The following GK variants were observed in gnomAD, a reference collection of about 807,000 sequenced individuals.
GK encodes ATP:glycerol 3-phosphotransferase.
A neutral mutation model predicts 56.4 loss-of-function variants in GK; 9 were observed. The observed-to-expected ratio is 0.16, with a 90% CI of 0.10 to 0.28. The LOEUF (loss-of-function observed/expected upper bound fraction) is 0.28. Among genes scored for constraint, GK ranks in the 10% least tolerant of loss-of-function variants. GK has a pLI of 1.00. For synonymous variants in GK, 104 were observed against 144.1 expected (o/e 0.72, Z 1.99); for missense variants, 161 against 431.4 (o/e 0.37, Z 5.55).
rs1937305880 is a variant in GK at position 30,730,468 on chromosome X, A to G, written c.*1726A>G. ...CAAAAGTAGGTTGAGTTCATTGTAA[A>G]TAATTGTGAAAGCCACTGTTCAAAT... On this transcript the variant is annotated 3_prime_UTR_variant, in exon 21 of 21. Coordinates refer to ENST00000427190, the MANE Select transcript of GK (RefSeq NM_001205019.2). 1 of 112,261 alleles carries G rather than the reference A, an allele frequency of 8.9e-6. No homozygotes were observed. The highest frequency in any genetic ancestry group is 3.2e-5 in the African/African-American group (1 of 30,953). 9.3% of individuals were successfully genotyped at this position (112,261 alleles called of 1,213,427 possible). A position where few individuals can be genotyped will look rare whatever the true frequency, so the allele number is the denominator to read the frequency against.
chrX:30,664,154 TTA>T (rs1932912120), intron 1 of GK, among the ~76,000 whole-genome samples: 1 of 91,534 alleles, frequency 1.1e-5, no homozygotes, highest in Non-Finnish European at 2.1e-5. Context: ...GATATATATT[TTA>T]TATAGATATA....
chrX:30,691,144 A>C lies in GK; in HGVS notation c.359A>C (p.Gln120Pro). 2 of 1,156,307 alleles carry C rather than the reference A, an allele frequency of 1.7e-6. No homozygotes were observed. Among genetic ancestry groups the C allele is most frequent in the Non-Finnish European group, 2.4e-6 (2 of 846,073 alleles). Residue 120 changes from glutamine (Q) to proline (P), a missense_variant, in exon 5 of 21, where the codon CAG (glutamine) becomes CCG (proline). Gln to Pro is a moderately conservative substitution (Grantham distance 76). Transcript: ENST00000427190. The part of the protein sequence containing the change: ...NAVVWLDLRT[Q>P]STVESLSKRI... ...ATAGTGTGGCTTGATCTAAGAACCC[A>C]GTCTACCGTTGAGAGTCTTAGTAAA...
intron 1 of GK, among the ~76,000 whole-genome samples, chrX:30,655,752 A>G (rs728149): frequency 0.11 from 11,999 of 111,372 alleles, 611 homozygotes; most frequent in African/African-American, 0.19. Context: ...TTTATTCACT[A>G]CAGGTTGTTC....
chrX:30,719,413 T>C lies in GK; in HGVS notation c.1055-6T>C, dbSNP rs372688421. The C allele has an allele frequency of 2.0e-5, 22 of 1,112,191 alleles. No homozygotes were observed. Among genetic ancestry groups the C allele is most frequent in the Non-Finnish European group, 2.6e-5 (21 of 807,296 alleles). The allele number at this position is 1,112,191 out of a possible 1,213,427, so 91.7% of individuals were successfully genotyped here. On this transcript the variant is annotated splice_region_variant and splice_polypyrimidine_tract_variant and intron_variant, in intron 14 of 20. Coordinates refer to ENST00000427190, the MANE Select transcript of GK (RefSeq NM_001205019.2). ...GATTTTTGTTTTGTTTTGTTTTTAATGTTAGAAAAACTTGCTAAAGAAGTA... is the reference window on the plus strand; with the variant it reads ...GATTTTTGTTTTGTTTTGTTTTTAACGTTAGAAAAACTTGCTAAAGAAGTA...
intron 11 of GK, among the ~76,000 whole-genome samples, chrX:30,702,012 A>G (rs1305880837): frequency 9.1e-6 from 1 of 109,479 alleles, no homozygotes; most frequent in South Asian, 3.7e-4. Context: ...TAATCTTTTT[A>G]TTTATTTATT....
At chrX:30,678,729 C>G (rs1357048258) in intron 4 of GK, among the ~76,000 whole-genome samples, 2 of 100,299 alleles carry the variant, frequency 2.0e-5, no homozygotes, top group African/African-American at 7.3e-5. Flanking sequence ...TGCTGTTGCC[C>G]AGGCTGGGGT....
intron 5 of GK, among the ~76,000 whole-genome samples, chrX:30,694,079 A>G (rs1269168661): frequency 1.8e-5 from 2 of 111,945 alleles, no homozygotes; most frequent in African/African-American, 6.5e-5. Context: ...GTTTTGGGCT[A>G]GGTTCTACAT....
At chrX:30,704,103 C>T (rs933456062) in intron 11 of GK, among the ~76,000 whole-genome samples, 5 of 83,945 alleles carry the variant, frequency 6.0e-5, no homozygotes. Flanking sequence ...ATGGAGAAGT[C>T]AGAAAAACAA....
At chrX:30,695,408 A>T (rs1935187919) in intron 6 of GK, among the ~76,000 whole-genome samples, 2 of 112,329 alleles carry the variant, frequency 1.8e-5, no homozygotes, top group Admixed American at 1.9e-4. Context: ...CAGGAGACTC[A>T]AGGGAGCACA....
chrX:30,674,524 G>A, intron 3 of GK: 1 of 235,616 alleles, frequency 4.2e-6, no homozygotes, highest in Non-Finnish European at 8.1e-6. Flanking sequence ...TTGATTCCCA[G>A]CCCCATCCAT....
chrX:30,713,294 A>C (rs1936451364), intron 13 of GK, among the ~76,000 whole-genome samples: 1 of 111,740 alleles, frequency 8.9e-6, no homozygotes, highest in South Asian at 3.7e-4. Flanking sequence ...ACTCCCTGAC[A>C]CATATAGAAA....
chrX:30,664,563 C>T (rs954298278), intron 1 of GK, among the ~76,000 whole-genome samples: 1 of 109,849 alleles, frequency 9.1e-6, no homozygotes, highest in African/African-American at 3.3e-5. Context: ...TCGTATTACA[C>T]TTCTTTGTTA....
chrX:30,691,052 A>C, intron 4 of GK, 71 bp from the exon 5 acceptor site: 1 of 597,826 alleles, frequency 1.7e-6, no homozygotes, highest in Non-Finnish European at 2.9e-6. Context: ...TTTATCCTTG[A>C]TAGTGATTTC....
At chrX:30,719,124 C>T (rs1468951958) in intron 14 of GK, among the ~76,000 whole-genome samples, 1 of 111,338 alleles carries the variant, frequency 9.0e-6, no homozygotes, top group African/African-American at 3.3e-5. Context: ...GCCACTTTTT[C>T]ATCTCCTAGT....
At chrX:30,720,800 T>C (rs1474616730) in intron 17 of GK, 52 bp from the exon 18 acceptor site, 1 of 1,207,176 alleles carries the variant, frequency 8.3e-7, no homozygotes, top group Non-Finnish European at 1.1e-6. Flanking sequence ...GAATAACTAG[T>C]TCTTTGGGCA....
chrX:30,702,072 C>T (rs1286430156), intron 11 of GK, among the ~76,000 whole-genome samples: 7 of 103,898 alleles, frequency 6.7e-5, no homozygotes, highest in African/African-American at 2.5e-4. Context: ...GATGGAGTTT[C>T]GTTCTTCTTG....
At chrX:30,724,300 G>C (rs1354015018) in intron 19 of GK, 119 bp downstream of exon 19, 6 of 506,644 alleles carry the variant, frequency 1.2e-5, no homozygotes, top group Non-Finnish European at 2.1e-5. Context: ...CATATGTCCA[G>C]AGATTCTGAC....
intron 16 of GK, 95 bp from the exon 17 acceptor site, chrX:30,720,526 G>A: frequency 1.2e-6 from 1 of 800,689 alleles, no homozygotes; most frequent in Admixed American, 2.2e-5. Context: ...ATAGGCTCTT[G>A]GAAGCTCTTG....
chrX:30,698,053 A>G (rs1395600344), intron 9 of GK, among the ~76,000 whole-genome samples: 1 of 111,708 alleles, frequency 9.0e-6, no homozygotes. Context: ...GGGCAATTAG[A>G]TAGATACAGT....
Sources: gnomAD v4.1 joint callset for allele counts (sites outside exome capture counted in the v4.1 genomes callset) on GRCh38, gnomAD v4.1.1 for gene constraint, MANE v1.5 for transcripts, NCBI Gene and HGNC (gene_info 2026-07-23, HGNC 2026-07-21) for gene names.